The following TAOK3 variants were observed in gnomAD, a reference collection of about 807,000 sequenced individuals.
The protein encoded by TAOK3 is TAO kinase 3, also known as serine/threonine-protein kinase TAO3.
In TAOK3, 40 loss-of-function variants were observed where a neutral mutation model predicts 120.4. That is an observed-to-expected ratio of 0.33 (90% CI 0.26 to 0.43). TAOK3 has a LOEUF of 0.43. TAOK3 is among the 20% of genes least tolerant of loss of function. The probability of loss-of-function intolerance (pLI) is 1.00; values close to 1 mark genes in which losing one functional copy is unlikely to be tolerated. For synonymous variants in TAOK3, 355 were observed against 387.5 expected (o/e 0.92, Z 0.99); for missense variants, 821 against 1,112.1 (o/e 0.74, Z 3.72).
At chr12:118,332,853 A>T (rs564792017) in intron 1 of TAOK3, among the ~76,000 whole-genome samples, 7 of 152,328 alleles carry the variant, frequency 4.6e-5, no homozygotes, top group Non-Finnish European at 8.8e-5. Context: ...ATATCAGATA[A>T]AGTGGACTTC....
chr12:118,356,031 A>G (rs1024337386), intron 1 of TAOK3, among the ~76,000 whole-genome samples: 1 of 152,224 alleles, frequency 6.6e-6, no homozygotes, highest in African/African-American at 2.4e-5. Flanking sequence ...AAGAAATACC[A>G]GAAACCTGGA....
intron 8 of TAOK3, among the ~76,000 whole-genome samples, chr12:118,234,299 G>T (rs1200186657): frequency 7.6e-6 from 1 of 130,968 alleles, no homozygotes; most frequent in East Asian, 2.4e-4. Context: ...TGCAATCTCA[G>T]CTCACTGCAA....
intron 2 of TAOK3, among the ~76,000 whole-genome samples, chr12:118,266,219 GT>G (rs1388570690): frequency 9.2e-5 from 14 of 152,190 alleles, no homozygotes; most frequent in African/African-American, 3.4e-4. Flanking sequence ...TTCAGACAGA[GT>G]TTCGCTCTTG....
intron 1 of TAOK3, among the ~76,000 whole-genome samples, chr12:118,303,445 G>A (rs1458921871): frequency 6.6e-6 from 1 of 152,152 alleles, no homozygotes; most frequent in Admixed American, 6.5e-5. Flanking sequence ...CCAAAAGTCT[G>A]AATAAATTAA....
chr12:118,186,765 C>T (rs573427443), intron 14 of TAOK3, among the ~76,000 whole-genome samples: 1 of 152,244 alleles, frequency 6.6e-6, no homozygotes, highest in African/African-American at 2.4e-5. Flanking sequence ...AGTTACAATG[C>T]TAAAGTTTTC....
At chr12:118,289,018 G>A (rs566536729) in intron 1 of TAOK3, among the ~76,000 whole-genome samples, 13 of 147,470 alleles carry the variant, frequency 8.8e-5, no homozygotes, top group African/African-American at 3.2e-4. Context: ...GTCAAAATTC[G>A]GCTGGGCATG....
intron 11 of TAOK3, among the ~76,000 whole-genome samples, chr12:118,210,685 C>T (rs2038575866): frequency 6.6e-6 from 1 of 151,926 alleles, no homozygotes; most frequent in African/African-American, 2.4e-5. Flanking sequence ...TATTTTTCTG[C>T]ACAACACTTA....
intron 1 of TAOK3, among the ~76,000 whole-genome samples, chr12:118,311,196 C>T (rs893476309): frequency 1.3e-5 from 2 of 152,208 alleles, no homozygotes; most frequent in African/African-American, 4.8e-5. Context: ...CATGGTGGCT[C>T]ATGCCTGTAA....
intron 11 of TAOK3, among the ~76,000 whole-genome samples, chr12:118,211,119 G>A (rs774931070): frequency 5.3e-5 from 8 of 152,246 alleles, no homozygotes; most frequent in South Asian, 4.1e-4. Flanking sequence ...TATTCTCTGC[G>A]CTTAGAATAG....
At chr12:118,193,065 T>TTTC in intron 13 of TAOK3, among the ~76,000 whole-genome samples, 1 of 149,052 alleles carries the variant, frequency 6.7e-6, no homozygotes, top group Non-Finnish European at 1.5e-5. Context: ...TTTTTTTTTT[T>TTTC]TTTTTGAGAC....
intron 1 of TAOK3, among the ~76,000 whole-genome samples, chr12:118,304,601 T>C (rs2042984659): frequency 2.6e-5 from 4 of 152,250 alleles, no homozygotes; most frequent in Admixed American, 2.6e-4. Flanking sequence ...AAAAAAAATG[T>C]AATCTGAAAT....
chr12:118,187,994 C>T (rs889410326), intron 14 of TAOK3, among the ~76,000 whole-genome samples: 6 of 152,004 alleles, frequency 3.9e-5, no homozygotes, highest in African/African-American at 1.2e-4. Flanking sequence ...TTCACAGATG[C>T]GAGCATGAGA....
rs867499582 is a variant in TAOK3, at chr12:118,178,975, G to A, written c.1567-1646C>T. Among the ~76,000 whole-genome samples, 5 of 152,234 alleles carry A rather than the reference G, an allele frequency of 3.3e-5. No homozygotes were observed. The Middle Eastern group carries it at 0.01, about 311-fold the overall frequency. ...CTTCATGGCTCATGGCTCTTTTTAC[G>A]TATCTTTTTCACCTGCAACTTCCAT... On this transcript the variant is annotated intron_variant, in intron 15 of 20. Coordinates refer to ENST00000392533, the MANE Select transcript of TAOK3 (RefSeq NM_016281.4).
At chr12:118,251,222 C>T (rs2040737725) in intron 3 of TAOK3, among the ~76,000 whole-genome samples, 1 of 152,076 alleles carries the variant, frequency 6.6e-6, no homozygotes, top group Non-Finnish European at 1.5e-5. Context: ...GCAGAGTCTT[C>T]CTGGTAATAA....
intron 5 of TAOK3, among the ~76,000 whole-genome samples, chr12:118,243,031 A>G (rs2040323278): frequency 6.6e-6 from 1 of 152,096 alleles, no homozygotes; most frequent in Admixed American, 6.6e-5. Flanking sequence ...AAAATCACAT[A>G]GCAATTAAAA....
intron 9 of TAOK3, among the ~76,000 whole-genome samples, chr12:118,229,174 C>T (rs2039648487): frequency 6.6e-6 from 1 of 151,726 alleles, no homozygotes; most frequent in Non-Finnish European, 1.5e-5. Context: ...AATCTCGGCT[C>T]ACTGCAACCT....
chr12:118,202,669 A>G (rs969761324), intron 11 of TAOK3, among the ~76,000 whole-genome samples: 1 of 152,130 alleles, frequency 6.6e-6, no homozygotes, highest in African/African-American at 2.4e-5. Context: ...TTATCATATA[A>G]GTAATAAAAA....
intron 14 of TAOK3, 66 bp from the exon 15 acceptor site, chr12:118,181,673 T>G (rs2036731504): frequency 2.2e-6 from 3 of 1,383,422 alleles, no homozygotes; most frequent in Admixed American, 3.4e-5. Context: ...TCATGCAAAG[T>G]AGAACGGCCC....
intron 9 of TAOK3, among the ~76,000 whole-genome samples, chr12:118,219,770 CTTTTTTTTTTTTT>C: frequency 1.7e-5 from 1 of 58,854 alleles, no homozygotes; most frequent in South Asian, 9.7e-4. Flanking sequence ...ACTTTTTTGG[CTTTTTTTTTTTTT>C]TTTTTTTTTT....
Sources: allele counts gnomAD v4.1 joint callset (sites outside exome capture counted in the v4.1 genomes callset), GRCh38; gene constraint gnomAD v4.1.1; transcripts MANE v1.5; gene names NCBI Gene and HGNC (gene_info 2026-07-23, HGNC 2026-07-21).